The following TMEM51 variants were observed in gnomAD, a reference collection of about 807,000 sequenced individuals.
TMEM51 encodes transmembrane protein 51.
TMEM51 carries 8 observed loss-of-function variants against 13.6 expected under a neutral mutation model. The ratio of observed to expected loss-of-function variants is 0.59; its 90% CI spans 0.35 to 1.07. The LOEUF (loss-of-function observed/expected upper bound fraction) is 1.07. Ranked by LOEUF, TMEM51 falls within the 50% of genes least tolerant of loss-of-function variation. The probability of loss-of-function intolerance (pLI) is 0.02; values close to 1 mark genes in which losing one functional copy is unlikely to be tolerated. For synonymous variants in TMEM51, 147 were observed against 144.4 expected (o/e 1.02, Z -0.13); for missense variants, 279 against 330.7 (o/e 0.84, Z 1.21).
chr1:15,202,138 G>A (rs761662171), intron 1 of TMEM51, among the ~76,000 whole-genome samples: 4 of 152,178 alleles, frequency 2.6e-5, no homozygotes, highest in African/African-American at 9.7e-5. Flanking sequence ...AACTTGGCTC[G>A]TTAGCAGAAT....
chr1:15,167,342 A>C (rs1643055060), intron 1 of TMEM51, among the ~76,000 whole-genome samples: 2 of 146,138 alleles, frequency 1.4e-5, no homozygotes, highest in Admixed American at 6.7e-5. Context: ...AAAAAAAAAA[A>C]AAAAAAAAAA....
chr1:15,156,381 CT>C (rs1642593974), intron 1 of TMEM51, among the ~76,000 whole-genome samples: 1 of 152,224 alleles, frequency 6.6e-6, no homozygotes, highest in African/African-American at 2.4e-5. Flanking sequence ...ACCCCTCAGG[CT>C]TCTTGGGCTG....
At chr1:15,177,562 G>T (rs543167992) in intron 1 of TMEM51, among the ~76,000 whole-genome samples, 1 of 152,328 alleles carries the variant, frequency 6.6e-6, no homozygotes, top group African/African-American at 2.4e-5. Flanking sequence ...AAATGCAGTT[G>T]GTCACAGACT....
intron 1 of TMEM51, among the ~76,000 whole-genome samples, chr1:15,174,832 A>G (rs991678294): frequency 6.6e-6 from 1 of 152,176 alleles, no homozygotes; most frequent in Admixed American, 6.5e-5. Context: ...ACGTGTGCAG[A>G]GAGAGCTCTC....
At chr1:15,197,954 CAAAAAA>C (rs34377131) in intron 1 of TMEM51, among the ~76,000 whole-genome samples, 1 of 96,238 alleles carries the variant, frequency 1.0e-5, no homozygotes, top group African/African-American at 3.8e-5. Context: ...CTATACATGA[CAAAAAA>C]AAAAAAAAAA....
intron 1 of TMEM51, chr1:15,171,222 C>A: frequency 7.7e-7 from 1 of 1,303,844 alleles, no homozygotes; most frequent in Non-Finnish European, 1.0e-6. Context: ...TGGGGCCACG[C>A]CTGGAAGATC....
intron 1 of TMEM51, among the ~76,000 whole-genome samples, chr1:15,209,978 C>T (rs1230932298): frequency 6.6e-6 from 1 of 151,960 alleles, no homozygotes; most frequent in Non-Finnish European, 1.5e-5. Flanking sequence ...TTGCAGTGAG[C>T]TGAGATCACA....
In TMEM51 at chr1:15,219,871, G is replaced by C; in HGVS notation, c.*128G>C. On this transcript the variant is annotated 3_prime_UTR_variant, in exon 4 of 4. Transcript: ENST00000376008. ...TGTGCATGGAGCCATTTGGATGGCG[G>C]CGGGCGGGGGGGGATTCTCTGTATC... The C allele has an allele frequency of 1.9e-6, 2 of 1,062,004 alleles. No individual in the cohort carries two copies. The highest frequency in any genetic ancestry group is 5.5e-5 in the Admixed American group (2 of 36,448). 65.8% of individuals were successfully genotyped at this position (1,062,004 alleles called of 1,614,324 possible). A position where few individuals can be genotyped will look rare whatever the true frequency, so the allele number is the denominator to read the frequency against.
At chr1:15,163,406 C>T (rs903115195) in intron 1 of TMEM51, among the ~76,000 whole-genome samples, 2 of 151,930 alleles carry the variant, frequency 1.3e-5, no homozygotes, top group African/African-American at 4.8e-5. Flanking sequence ...ATTACTGCTG[C>T]CTTACCCCAA....
intron 1 of TMEM51, among the ~76,000 whole-genome samples, chr1:15,195,276 A>C (rs1349214112): frequency 6.6e-6 from 1 of 152,164 alleles, no homozygotes; most frequent in Non-Finnish European, 1.5e-5. Context: ...ACATCTTTTT[A>C]TAAAAGGACA....
At chr1:15,157,430 G>A (rs1440320788) in intron 1 of TMEM51, among the ~76,000 whole-genome samples, 1 of 152,150 alleles carries the variant, frequency 6.6e-6, no homozygotes, top group Non-Finnish European at 1.5e-5. Context: ...GACAACTGGG[G>A]AGACCAAGAC....
At chr1:15,156,481 T>C (rs1642596921) in intron 1 of TMEM51, among the ~76,000 whole-genome samples, 1 of 152,196 alleles carries the variant, frequency 6.6e-6, no homozygotes, top group Admixed American at 6.5e-5. Flanking sequence ...AGAAGCATTG[T>C]CTCCCTCGGT....
chr1:15,179,553 TG>T lies in TMEM51; in HGVS notation c.-267+25602del, dbSNP rs1643549413. 1.3e-5 allele frequency among the ~76,000 whole-genome samples: 2 copies of T among 152,082 alleles called. 1 individual carries two copies. Among genetic ancestry groups the T allele is most frequent in the South Asian group, 4.1e-4 (2 of 4,824 alleles). The stretch of plus-strand genomic sequence containing the variant: ...ATCCCATCACTTTGAGAGGCCGAGG[TG>T]GGAGGATCACTTGAGCCCAGGAGTG... On this transcript the variant is annotated intron_variant, in intron 1 of 3. Coordinates refer to ENST00000376008, the MANE Select transcript of TMEM51 (RefSeq NM_001136218.2).
intron 1 of TMEM51, 88 bp downstream of exon 1, chr1:15,154,042 C>T (rs1356805552): frequency 6.6e-6 from 1 of 152,154 alleles, no homozygotes; most frequent in Non-Finnish European, 1.5e-5. Context: ...GGCCGAGGCC[C>T]GTTTGGGTCT....
intron 1 of TMEM51, among the ~76,000 whole-genome samples, chr1:15,198,853 G>C (rs139817860): frequency 1.3e-5 from 2 of 152,356 alleles, no homozygotes; most frequent in Non-Finnish European, 2.9e-5. Flanking sequence ...GAGGTGAGCT[G>C]TGCCGGGCAG....
chr1:15,215,446 T>C lies in TMEM51; in HGVS notation c.344+15T>C. On this transcript the variant is annotated intron_variant, in intron 3 of 3. Transcript: ENST00000376008. ...GAGGAAGACAGGTGAGGCCTGACTGTCCCCTTCCCTCCCCGGATCGGGGAT... is the reference window on the plus strand; with the variant it reads ...GAGGAAGACAGGTGAGGCCTGACTGCCCCCTTCCCTCCCCGGATCGGGGAT... 1 of 1,571,152 alleles carries C rather than the reference T, an allele frequency of 6.4e-7. No individual in the cohort carries two copies. Among genetic ancestry groups the C allele is most frequent in the Non-Finnish European group, 8.6e-7 (1 of 1,161,666 alleles).
intron 1 of TMEM51, chr1:15,191,875 T>G (rs780896502): frequency 1.5e-4 from 57 of 377,686 alleles, no homozygotes; most frequent in Non-Finnish European, 2.1e-4. Context: ...GTAATTGACT[T>G]ACGTGACCAT....
At chr1:15,177,414 G>A (rs577320537) in intron 1 of TMEM51, among the ~76,000 whole-genome samples, 3 of 152,230 alleles carry the variant, frequency 2.0e-5, no homozygotes, top group East Asian at 1.9e-4. Flanking sequence ...TCCTTGCACT[G>A]GAATAGGGAA....
At chr1:15,171,138 A>G in intron 1 of TMEM51, 2 of 1,035,796 alleles carry the variant, frequency 1.9e-6, no homozygotes, top group Non-Finnish European at 2.6e-6. Context: ...CCAGTTGCTG[A>G]TTCAGTAGGT....
Sources: allele counts gnomAD v4.1 joint callset (sites outside exome capture counted in the v4.1 genomes callset), GRCh38; gene constraint gnomAD v4.1.1; transcripts MANE v1.5; gene names NCBI Gene and HGNC (gene_info 2026-07-23, HGNC 2026-07-21).